The following ENPP2 variants were observed in gnomAD, a reference collection of about 807,000 sequenced individuals.
ENPP2 encodes autotaxin.
Under a neutral mutation model 120.2 loss-of-function variants are expected in ENPP2, and 51 were observed. The observed-to-expected ratio is 0.42, with a 90% CI of 0.34 to 0.54. ENPP2 has a LOEUF of 0.54. Ranked by LOEUF, ENPP2 falls within the 20% of genes least tolerant of loss-of-function variation. The pLI is 0.04. For synonymous variants in ENPP2, 365 were observed against 366.4 expected, an observed-to-expected ratio of 1.00 and a Z score of 0.04; for missense variants, 920 against 1,066.5, an observed-to-expected ratio of 0.86 and a Z score of 1.91.
rs377713168 is a variant in ENPP2 at position 119,586,075 on chromosome 8, G to C, written c.1367+111C>G. 1.1e-5 allele frequency: 13 copies of C among 1,212,470 alleles called. No individual in the cohort carries two copies. In the East Asian group the frequency reaches 2.6e-4, roughly 24 times the overall value. The allele number at this position is 1,212,470 out of a possible 1,614,324, so 75.1% of individuals were successfully genotyped here. A position where few individuals can be genotyped will look rare whatever the true frequency, so the allele number is the denominator to read the frequency against. The stretch of plus-strand genomic sequence containing the variant: ...CCCACAAAATCTTTGGAAACAGTGA[G>C]ATTTCCAACTGATATTTCTTTCAGT... On this transcript the variant is annotated intron_variant, in intron 15 of 24. Transcript: ENST00000075322.
At chr8:119,595,477 T>C (rs887416327) in intron 11 of ENPP2, among the ~76,000 whole-genome samples, 1 of 152,208 alleles carries the variant, frequency 6.6e-6, no homozygotes, top group African/African-American at 2.4e-5. Flanking sequence ...CTAATCCACA[T>C]TGTCTTTGAG....
At position 119,596,094 on chromosome 8, in the gene ENPP2, GAGTCTCAGA is replaced by G; in HGVS notation, c.973-2243_973-2235del. ...TACACTTTCCCATCTGGGATCAGCA[GAGTCTCAGA>G]ATAACTAAGGCTCCTTAAGTGAGAA... On this transcript the variant is annotated intron_variant, in intron 11 of 24. Transcript: ENST00000075322. 2.4e-6 allele frequency: 3 copies of G among 1,229,006 alleles called. No individual in the cohort carries two copies. The South Asian group carries it at 4.2e-5, about 17-fold the overall frequency. 76.1% of individuals were successfully genotyped at this position (1,229,006 alleles called of 1,614,324 possible). A position where few individuals can be genotyped will look rare whatever the true frequency, so the allele number is the denominator to read the frequency against.
chr8:119,629,695 C>T (rs954777769), intron 2 of ENPP2, among the ~76,000 whole-genome samples: 11 of 152,068 alleles, frequency 7.2e-5, no homozygotes, highest in African/African-American at 2.7e-4. Flanking sequence ...ATGCAGTGGT[C>T]CATAAAGCAC....
At chr8:119,650,581 AT>A in intron 1 of ENPP2, among the ~76,000 whole-genome samples, 1 of 152,298 alleles carries the variant, frequency 6.6e-6, no homozygotes, top group South Asian at 2.1e-4. Flanking sequence ...ATTAACCCTG[AT>A]TTTCAGTTCT....
exon 1 of ENPP2, chr8:119,673,278 G>C: frequency 6.5e-7 from 1 of 1,535,306 alleles, no homozygotes; most frequent in South Asian, 1.2e-5. Flanking sequence ...GTCATGCTGC[G>C]GGAGTCTCGG....
At chr8:119,668,640 G>A (rs1818150381) in intron 1 of ENPP2, among the ~76,000 whole-genome samples, 1 of 151,840 alleles carries the variant, frequency 6.6e-6, no homozygotes, top group South Asian at 2.1e-4. Context: ...TGTTGGCCAG[G>A]ATGGTCTCCA....
chr8:119,658,811 C>G lies in ENPP2; in HGVS notation c.21+14441G>C, dbSNP rs546057635. 5.9e-5 allele frequency among the ~76,000 whole-genome samples: 9 copies of G among 152,310 alleles called. No individual in the cohort carries two copies. In the East Asian group the frequency reaches 1.3e-3, roughly 23 times the overall value. ...CCCCAAACCCCAGCACTGTCCCTGGCACACAGGGATGTTCAACTAATATTG... is the reference window on the plus strand; with the variant it reads ...CCCCAAACCCCAGCACTGTCCCTGGGACACAGGGATGTTCAACTAATATTG... On this transcript the variant is annotated intron_variant, in intron 1 of 25. Coordinates refer to the ENPP2 transcript ENST00000427067.
intron 9 of ENPP2, among the ~76,000 whole-genome samples, chr8:119,607,413 T>A (rs1007622289): frequency 6.6e-6 from 1 of 152,142 alleles, no homozygotes; most frequent in African/African-American, 2.4e-5. Flanking sequence ...CGGTGGCTCA[T>A]GCCTGTAATC....
At chr8:119,570,491 T>C (rs1814874365) in intron 20 of ENPP2, among the ~76,000 whole-genome samples, 1 of 152,192 alleles carries the variant, frequency 6.6e-6, no homozygotes, top group Non-Finnish European at 1.5e-5. Context: ...GAATTAGTGA[T>C]CTACCTTCAA....
At chr8:119,619,164 TA>T in intron 5 of ENPP2, 79 bp downstream of exon 5, 1 of 1,059,914 alleles carries the variant, frequency 9.4e-7, no homozygotes, top group Non-Finnish European at 1.5e-6. Context: ...ACATTGTTTC[TA>T]AATACTTCTC....
intron 14 of ENPP2, 85 bp downstream of exon 14, chr8:119,586,959 G>A (rs372380642): frequency 2.1e-4 from 235 of 1,143,930 alleles, no homozygotes; most frequent in Middle Eastern, 1.8e-3. Context: ...ACCCCTCCCC[G>A]CCGGGGGAGG....
intron 1 of ENPP2, among the ~76,000 whole-genome samples, chr8:119,671,704 G>C (rs1818255612): frequency 6.6e-6 from 1 of 152,194 alleles, no homozygotes; most frequent in African/African-American, 2.4e-5. Context: ...TCAAAGTAGA[G>C]ACTGGAATTT....
chr8:119,621,351 T>C lies in ENPP2; in HGVS notation c.418+43A>G, dbSNP rs377425841. The C allele has an allele frequency of 1.9e-6, 3 of 1,600,934 alleles. No individual in the cohort carries two copies. In the African/African-American group the frequency reaches 4.0e-5, roughly 21 times the overall value. On this transcript the variant is annotated intron_variant, in intron 4 of 24. Coordinates refer to ENST00000075322, the MANE Select transcript of ENPP2 (RefSeq NM_001040092.3). ...CAGGATCTCCTGGAGCACCTCCAGT[T>C]TTTATTCTTTTAAAGCTCAGGCCAA... is the stretch of plus-strand genomic sequence containing the variant.
At chr8:119,673,337 G>T (rs1435132820) in exon 1 of ENPP2, 1 of 1,529,504 alleles carries the variant, frequency 6.5e-7, no homozygotes, top group East Asian at 2.5e-5. Context: ...CTGCAGCCCC[G>T]CGACCTGGGA....
chr8:119,609,967 C>A (rs181929275), intron 8 of ENPP2, among the ~76,000 whole-genome samples: 1 of 152,222 alleles, frequency 6.6e-6, no homozygotes, highest in African/African-American at 2.4e-5. Flanking sequence ...ACAGGAAGTT[C>A]TGAGAGTTAA....
chr8:119,561,815 T>TGTGTG (rs1563663474), intron 24 of ENPP2, among the ~76,000 whole-genome samples: 2 of 121,650 alleles, frequency 1.6e-5, no homozygotes, highest in African/African-American at 6.0e-5. Context: ...GTGTGTGTGT[T>TGTGTG]TGTGTGTGTG....
intron 9 of ENPP2, among the ~76,000 whole-genome samples, chr8:119,605,753 C>T (rs1451193324): frequency 1.3e-5 from 2 of 151,956 alleles, no homozygotes; most frequent in Non-Finnish European, 2.9e-5. Context: ...AGGCGTGAGC[C>T]ACCATACCCA....
intron 10 of ENPP2, among the ~76,000 whole-genome samples, chr8:119,601,014 C>G (rs1814263835): frequency 2.6e-5 from 4 of 152,092 alleles, no homozygotes; most frequent in Admixed American, 2.6e-4. Context: ...CCTTGACCCT[C>G]AAGATAACAG....
chr8:119,616,322 G>A lies in ENPP2; in HGVS notation c.720C>T (p.Ala240=), dbSNP rs1815456100. 6.2e-7 allele frequency: 1 copy of A among 1,608,710 alleles called. No homozygotes were observed. Among genetic ancestry groups the A allele is most frequent in the Admixed American group, 1.7e-5 (1 of 59,902 alleles). Residue 240 remains alanine (A), a synonymous_variant, in exon 8 of 25, where the codon GCC becomes GCT. Coordinates refer to ENST00000075322, the MANE Select transcript of ENPP2 (RefSeq NM_001040092.3). ...TCTCTCGCCCTCGCAGATGAAAAGT[G>A]GCATCAAATACAGGATCATACATTG... is the stretch of plus-strand genomic sequence containing the variant. ...GNSMYDPVFD[A]TFHLRGREKF...
Sources: allele counts gnomAD v4.1 joint callset (sites outside exome capture counted in the v4.1 genomes callset), GRCh38; gene constraint gnomAD v4.1.1; transcripts MANE v1.5; gene names NCBI Gene and HGNC (gene_info 2026-07-23, HGNC 2026-07-21).